The following EPHA5 variants were observed in gnomAD, a reference collection of about 807,000 sequenced individuals.
EPHA5 encodes the protein EPH receptor A5.
A neutral mutation model predicts 105.0 loss-of-function variants in EPHA5; 60 were observed. That is an observed-to-expected ratio of 0.57 (90% CI 0.46 to 0.71). The LOEUF is 0.71. Among genes scored for constraint, EPHA5 ranks in the 30% least tolerant of loss-of-function variants. The pLI is 0.00. For missense variants in EPHA5, 1,218 were observed against 1,274.7 expected, an observed-to-expected ratio of 0.96 and a Z score of 0.68; for synonymous variants, 513 against 449.1, an observed-to-expected ratio of 1.14 and a Z score of -1.80.
At chr4:65,657,233 C>T (rs1164957259) in intron 1 of EPHA5, among the ~76,000 whole-genome samples, 2 of 151,598 alleles carry the variant, frequency 1.3e-5, no homozygotes, top group African/African-American at 2.4e-5. Context: ...AATCCTTCTG[C>T]CCCCCAAGAA....
At position 65,324,183 on chromosome 4, in the gene EPHA5, G is replaced by A. The variant is rs1719860911; in HGVS notation, c.2982C>T (p.His994=). 1.9e-6 allele frequency: 3 copies of A among 1,609,116 alleles called. No individual in the cohort carries two copies. Among genetic ancestry groups the A allele is most frequent in the African/African-American group, 1.3e-5 (1 of 74,422 alleles). The part of the protein sequence containing the change: ...LRRLGVTLVG[H]QKKIMNSLQE... Reference sequence around the variant, plus strand: ...GAAGGCTGTTCATGATCTTCTTCTGGTGACCGACAAGAGTCACTCCAAGCC... The same window carrying A: ...GAAGGCTGTTCATGATCTTCTTCTGATGACCGACAAGAGTCACTCCAAGCC... The change falls in exon 17 of 17, where the codon CAC becomes CAT. Residue 994 remains histidine, a synonymous_variant. Transcript: ENST00000613740.
At chr4:65,333,808 C>T (rs534680405) in intron 15 of EPHA5, among the ~76,000 whole-genome samples, 1 of 151,466 alleles carries the variant, frequency 6.6e-6, no homozygotes, top group Admixed American at 6.6e-5. Context: ...TTTTGTACCT[C>T]CATATTTCTC....
At chr4:65,513,139 G>A (rs1473085128) in intron 3 of EPHA5, among the ~76,000 whole-genome samples, 1 of 152,118 alleles carries the variant, frequency 6.6e-6, no homozygotes, top group African/African-American at 2.4e-5. Context: ...TGTCATATGT[G>A]TTTGCTCTAC....
chr4:65,665,341 T>G (rs966492642), intron 1 of EPHA5, among the ~76,000 whole-genome samples: 1 of 151,998 alleles, frequency 6.6e-6, no homozygotes, highest in Non-Finnish European at 1.5e-5. Context: ...TGGAAATAAC[T>G]AAAGCATAGT....
intron 1 of EPHA5, among the ~76,000 whole-genome samples, chr4:65,668,753 C>T (rs1242171474): frequency 1.3e-5 from 2 of 152,106 alleles, no homozygotes; most frequent in Non-Finnish European, 2.9e-5. Flanking sequence ...GGACTGGGTA[C>T]TCCTGGATCA....
chr4:65,327,408 G>C (rs1361953864), intron 16 of EPHA5, among the ~76,000 whole-genome samples: 1 of 151,076 alleles, frequency 6.6e-6, no homozygotes, highest in Non-Finnish European at 1.5e-5. Context: ...CTTCTCTCTT[G>C]CCTTTCCATC....
chr4:65,396,304 T>C (rs1054898712), intron 8 of EPHA5, among the ~76,000 whole-genome samples: 1 of 152,194 alleles, frequency 6.6e-6, no homozygotes, highest in Non-Finnish European at 1.5e-5. Flanking sequence ...TTAAGGCTAA[T>C]TAAGGGGAAT....
At chr4:65,486,264 C>T (rs1156236501) in intron 5 of EPHA5, among the ~76,000 whole-genome samples, 1 of 149,970 alleles carries the variant, frequency 6.7e-6, no homozygotes, top group African/African-American at 2.5e-5. Context: ...TCCCCATTTA[C>T]ACCCCCCCAC....
At chr4:65,589,704 A>G (rs950834269) in intron 3 of EPHA5, among the ~76,000 whole-genome samples, 21 of 152,294 alleles carry the variant, frequency 1.4e-4, no homozygotes, top group Admixed American at 7.8e-4. Context: ...AATACAGGTC[A>G]GTCTGGTTCT....
At chr4:65,635,887 T>C (rs893048660) in intron 2 of EPHA5, among the ~76,000 whole-genome samples, 12 of 152,142 alleles carry the variant, frequency 7.9e-5, no homozygotes, top group South Asian at 4.1e-4. Flanking sequence ...ATAATGAGAT[T>C]GATAGCTTAA....
At chr4:65,588,287 A>C (rs1742312139) in intron 3 of EPHA5, among the ~76,000 whole-genome samples, 1 of 152,158 alleles carries the variant, frequency 6.6e-6, no homozygotes, top group Non-Finnish European at 1.5e-5. Context: ...TCAGAATCTT[A>C]GATCTTATTT....
At chr4:65,469,845 T>C (rs1338315658) in intron 5 of EPHA5, among the ~76,000 whole-genome samples, 1 of 152,174 alleles carries the variant, frequency 6.6e-6, no homozygotes, top group Admixed American at 6.5e-5. Flanking sequence ...TTAAATATCT[T>C]AAAAATCTGT....
At chr4:65,539,517 GTAAAGTC>G (rs1736617769) in intron 3 of EPHA5, among the ~76,000 whole-genome samples, 1 of 151,514 alleles carries the variant, frequency 6.6e-6, no homozygotes, top group Non-Finnish European at 1.5e-5. Context: ...ATGTTCAATT[GTAAAGTC>G]TGTTGAAATC....
chr4:65,643,419 A>G lies in EPHA5; in HGVS notation c.190T>C (p.Leu64=), dbSNP rs549033737. 1.4e-5 allele frequency: 22 copies of G among 1,612,780 alleles called. No individual in the cohort carries two copies. The Middle Eastern group carries it at 6.6e-4, about 48-fold the overall frequency. ...LASPSNEVNL[L]DSRTVMGDLG... ...TCCCCCATGACAGTGCGTGAATCCAATAAATTCACTGAAAAGAAAAGAACA... is the reference window on the plus strand; with the variant it reads ...TCCCCCATGACAGTGCGTGAATCCAGTAAATTCACTGAAAAGAAAAGAACA... The change falls in exon 2 of 17, where the codon TTG becomes CTG. Residue 64 remains leucine (L), a synonymous_variant. Coordinates refer to ENST00000613740, the MANE Select transcript of EPHA5 (RefSeq NM_001281766.3).
intron 14 of EPHA5, 147 bp downstream of exon 14, chr4:65,347,907 T>C (rs942709040): frequency 7.3e-5 from 58 of 796,996 alleles, no homozygotes; most frequent in Non-Finnish European, 1.0e-4. Flanking sequence ...TAAAGGATAT[T>C]TCAACAACAC....
intron 3 of EPHA5, among the ~76,000 whole-genome samples, chr4:65,598,146 A>C (rs1743364520): frequency 6.6e-6 from 1 of 152,178 alleles, no homozygotes; most frequent in East Asian, 1.9e-4. Context: ...GTCATCATGT[A>C]ATATGGCCAT....
intron 5 of EPHA5, among the ~76,000 whole-genome samples, chr4:65,479,671 A>G (rs1730164557): frequency 6.6e-6 from 1 of 152,120 alleles, no homozygotes; most frequent in African/African-American, 2.4e-5. Flanking sequence ...CAGTAAGAGA[A>G]CCTGGGTCTC....
chr4:65,567,299 T>C lies in EPHA5; in HGVS notation c.910+34342A>G, dbSNP rs533893303. On this transcript the variant is annotated intron_variant, in intron 3 of 16. Coordinates refer to ENST00000613740, the MANE Select transcript of EPHA5 (RefSeq NM_001281766.3). ...CCCTCTCTTCCGTCATTCAACAAGGTTTCATCAGAGCACTTATATTCTAAG... is the reference window on the plus strand; with the variant it reads ...CCCTCTCTTCCGTCATTCAACAAGGCTTCATCAGAGCACTTATATTCTAAG... 7.6e-4 allele frequency among the ~76,000 whole-genome samples: 116 copies of C among 151,744 alleles called. 1 individual carries two copies. The highest frequency in any genetic ancestry group is 2.6e-3 in the African/African-American group (110 of 41,510).
intron 1 of EPHA5, among the ~76,000 whole-genome samples, chr4:65,651,279 A>T (rs546271446): frequency 6.6e-6 from 1 of 152,280 alleles, no homozygotes; most frequent in South Asian, 2.1e-4. Flanking sequence ...AATCCATCTA[A>T]ACTTGAAACT....
Sources: allele counts gnomAD v4.1 joint callset (sites outside exome capture counted in the v4.1 genomes callset), GRCh38; gene constraint gnomAD v4.1.1; transcripts MANE v1.5; gene names NCBI Gene and HGNC (gene_info 2026-07-23, HGNC 2026-07-21).